The following TRPM3 variants were observed in gnomAD, a reference collection of about 807,000 sequenced individuals.
The protein encoded by TRPM3 is long transient receptor potential channel 3.
TRPM3 carries 77 observed loss-of-function variants against 181.2 expected under a neutral mutation model. The ratio of observed to expected loss-of-function variants is 0.42; its 90% CI spans 0.35 to 0.51. TRPM3 has a LOEUF of 0.51. Ranked by LOEUF, TRPM3 falls within the 20% of genes least tolerant of loss-of-function variation. The pLI is 0.01. For synonymous variants in TRPM3, 745 were observed against 796.4 expected (o/e 0.94, Z 1.09); for missense variants, 1,759 against 2,196.7 (o/e 0.80, Z 3.98).
intron 1 of TRPM3, among the ~76,000 whole-genome samples, chr9:71,098,394 G>A: frequency 6.6e-6 from 1 of 152,156 alleles, no homozygotes; most frequent in East Asian, 1.9e-4. Flanking sequence ...ATATGTGTGT[G>A]GAAACAGAGC....
chr9:71,243,212 T>C (rs1016699296), intron 1 of TRPM3, among the ~76,000 whole-genome samples: 1 of 152,164 alleles, frequency 6.6e-6, no homozygotes, highest in Admixed American at 6.5e-5. Context: ...CAGCTAATTT[T>C]TGTATTTTTA....
chr9:71,109,280 C>A (rs909107966), intron 1 of TRPM3, among the ~76,000 whole-genome samples: 2 of 151,968 alleles, frequency 1.3e-5, no homozygotes, highest in Non-Finnish European at 2.9e-5. Flanking sequence ...ATATATACAT[C>A]CTACTGCTTC....
chr9:70,565,595 GATTT>G (rs906300528), intron 22 of TRPM3, among the ~76,000 whole-genome samples: 1 of 134,586 alleles, frequency 7.4e-6, no homozygotes, highest in African/African-American at 2.7e-5. Flanking sequence ...GCCCAGCCTA[GATTT>G]ATCTGTTAAA....
At chr9:70,934,954 A>G (rs752001795) in intron 1 of TRPM3, among the ~76,000 whole-genome samples, 1 of 152,198 alleles carries the variant, frequency 6.6e-6, no homozygotes, top group African/African-American at 2.4e-5. Flanking sequence ...GATATTTGCA[A>G]TCTAGAGGGC....
chr9:71,394,964 C>T (rs967487904), intron 1 of TRPM3, among the ~76,000 whole-genome samples: 8 of 152,182 alleles, frequency 5.3e-5, no homozygotes, highest in Admixed American at 4.6e-4. Flanking sequence ...CAAGTGAGTG[C>T]TTTGGACCTA....
At chr9:70,832,800 A>G (rs2094029924) in intron 5 of TRPM3, among the ~76,000 whole-genome samples, 1 of 152,182 alleles carries the variant, frequency 6.6e-6, no homozygotes, top group Non-Finnish European at 1.5e-5. Context: ...CAGAAGTAGT[A>G]AACAGGAAGT....
At chr9:71,164,920 T>C (rs1465946966) in intron 1 of TRPM3, among the ~76,000 whole-genome samples, 1 of 152,198 alleles carries the variant, frequency 6.6e-6, no homozygotes, top group Non-Finnish European at 1.5e-5. Context: ...GATTTTATAC[T>C]CATTGGGTCC....
At chr9:71,376,995 C>T (rs1171183790) in intron 1 of TRPM3, among the ~76,000 whole-genome samples, 1 of 152,014 alleles carries the variant, frequency 6.6e-6, no homozygotes, top group South Asian at 2.1e-4. Context: ...CTAATAGCCA[C>T]CAATTATTAC....
chr9:71,055,618 T>C (rs571427670), intron 1 of TRPM3, among the ~76,000 whole-genome samples: 5 of 152,152 alleles, frequency 3.3e-5, no homozygotes, highest in South Asian at 2.1e-4. Context: ...ATACCTATTA[T>C]AGAATCTCCA....
At chr9:70,545,584 T>C (rs1156671495) in intron 25 of TRPM3, among the ~76,000 whole-genome samples, 1 of 131,636 alleles carries the variant, frequency 7.6e-6, no homozygotes, top group Non-Finnish European at 1.6e-5. Context: ...TCTCGCTCTG[T>C]CGTCCAGGCT....
At chr9:71,241,370 A>G (rs2081659187) in intron 1 of TRPM3, among the ~76,000 whole-genome samples, 1 of 152,106 alleles carries the variant, frequency 6.6e-6, no homozygotes, top group Non-Finnish European at 1.5e-5. Context: ...TCAATTAACC[A>G]TCATTCTCAG....
At chr9:71,208,497 TCTTA>T (rs1305244218) in intron 1 of TRPM3, among the ~76,000 whole-genome samples, 48 of 152,198 alleles carry the variant, frequency 3.2e-4, no homozygotes, top group Non-Finnish European at 4.9e-4. Flanking sequence ...GTGTTGGTAT[TCTTA>T]AGAATAAACA....
rs59425467 is a variant in TRPM3 at position 71,401,197 on chromosome 9, C to CAAA, written c.183+45453_183+45455dup. 1.9e-3 allele frequency among the ~76,000 whole-genome samples: 203 copies of CAAA among 105,682 alleles called. 5 individuals carry two copies. Among genetic ancestry groups the CAAA allele is most frequent in the African/African-American group, 4.2e-3 (106 of 25,236 alleles). The allele number at this position is 105,682 out of a possible 152,430, so 69.3% of individuals were successfully genotyped here. Reference sequence around the variant, plus strand: ...TAAGGGTCAAAGTGAGACACCATCGCAAAAAAAAAAAAAAAAAAAGAATCT... The same window carrying CAAA: ...TAAGGGTCAAAGTGAGACACCATCGCAAAAAAAAAAAAAAAAAAAAAAGAATCT... On this transcript the variant is annotated intron_variant, in intron 1 of 24. Coordinates refer to the TRPM3 transcript ENST00000357533.
intron 1 of TRPM3, among the ~76,000 whole-genome samples, chr9:71,265,833 ATTCT>A (rs2083356405): frequency 6.6e-6 from 1 of 152,204 alleles, no homozygotes; most frequent in South Asian, 2.1e-4. Flanking sequence ...ACCAGTGACT[ATTCT>A]TTCTCTCACC....
intron 1 of TRPM3, among the ~76,000 whole-genome samples, chr9:71,266,397 A>T (rs1459992960): frequency 6.6e-6 from 1 of 152,156 alleles, no homozygotes; most frequent in Non-Finnish European, 1.5e-5. Flanking sequence ...TTTTTAAAAA[A>T]TAGTTGGTGC....
In TRPM3 at chr9:70,625,379, G is replaced by T; in HGVS notation, c.1669-48C>A. The T allele has an allele frequency of 6.2e-7, 1 of 1,611,058 alleles. No homozygotes were observed. Among genetic ancestry groups the T allele is most frequent in the East Asian group, 2.2e-5 (1 of 44,820 alleles). On this transcript the variant is annotated intron_variant, in intron 13 of 25. Transcript: ENST00000677713. This position sits in a 1 kb window ranked among gnomAD's most constrained non-coding sequence, Gnocchi z 4.8. ...ACAGACAAATCCAAAAGACAACGTGGTTTACTAGGGATTCTACTTCACGTA... is the reference window on the plus strand; with the variant it reads ...ACAGACAAATCCAAAAGACAACGTGTTTTACTAGGGATTCTACTTCACGTA...
intron 1 of TRPM3, among the ~76,000 whole-genome samples, chr9:71,351,174 C>T (rs150655094): frequency 0.012 from 1,900 of 152,118 alleles, 21 homozygotes; most frequent in Middle Eastern, 0.061. Flanking sequence ...TTTGTTTGGC[C>T]CTGTTACTAA....
intron 3 of TRPM3, among the ~76,000 whole-genome samples, chr9:70,857,358 G>T (rs1229550516): frequency 6.6e-6 from 1 of 152,120 alleles, no homozygotes; most frequent in Non-Finnish European, 1.5e-5. Flanking sequence ...GGCTGGTCAA[G>T]CCTGGGAACG....
rs1197885492 is a variant in TRPM3, at chr9:71,104,200, A to T, written c.177+16978T>A. Among the ~76,000 whole-genome samples, 6 of 152,210 alleles carry T rather than the reference A, an allele frequency of 3.9e-5. No individual in the cohort carries two copies. The East Asian group carries it at 1.2e-3, about 29-fold the overall frequency. On this transcript the variant is annotated intron_variant, in intron 1 of 25. Coordinates refer to ENST00000677713, the MANE Select transcript of TRPM3 (RefSeq NM_001366145.2). The stretch of plus-strand genomic sequence containing the variant: ...AAAAGTGCTGGGATTACAGGTGTGA[A>T]TCACCATGCCCACCCCATTTAGCAA...
Sources: gnomAD v4.1 joint callset for allele counts (sites outside exome capture counted in the v4.1 genomes callset) on GRCh38, gnomAD v4.1.1 for gene constraint, Gnocchi (gnomAD v3.1) non-coding constraint, MANE v1.5 for transcripts, NCBI Gene and HGNC (gene_info 2026-07-23, HGNC 2026-07-21) for gene names.